The following CSMD1 variants were observed in gnomAD, a reference collection of about 807,000 sequenced individuals.
CSMD1 encodes CUB and sushi domain-containing protein 1.
A neutral mutation model predicts 417.5 loss-of-function variants in CSMD1; 213 were observed. The ratio of observed to expected loss-of-function variants is 0.51; its 90% CI spans 0.46 to 0.57. The LOEUF (loss-of-function observed/expected upper bound fraction) is 0.57, where lower values mean the gene tolerates loss of function less well. Among genes scored for constraint, CSMD1 ranks in the 20% least tolerant of loss-of-function variants. CSMD1 has a pLI of 0.00. For missense variants in CSMD1, 6,923 were observed against 4,529.7 expected, an observed-to-expected ratio of 1.53 and a Z score of -15.17; for synonymous variants, 2,862 against 1,736.8, an observed-to-expected ratio of 1.65 and a Z score of -16.11.
chr8:3,947,142 G>C (rs929883221), intron 5 of CSMD1, among the ~76,000 whole-genome samples: 4 of 152,162 alleles, frequency 2.6e-5, no homozygotes, highest in East Asian at 3.9e-4. Flanking sequence ...TCATCATTAA[G>C]TAAGAAATTA....
intron 1 of CSMD1, among the ~76,000 whole-genome samples, chr8:4,943,893 T>C (rs1380908445): frequency 1.3e-5 from 2 of 152,202 alleles, no homozygotes; most frequent in Non-Finnish European, 2.9e-5. Context: ...CGCTTAAAGG[T>C]ACGCAGAATT....
At chr8:3,434,823 T>G (rs1736876775) in intron 12 of CSMD1, among the ~76,000 whole-genome samples, 1 of 152,186 alleles carries the variant, frequency 6.6e-6, no homozygotes, top group South Asian at 2.1e-4. Flanking sequence ...TTTCTATGAG[T>G]CAGAGTGCTG....
intron 2 of CSMD1, among the ~76,000 whole-genome samples, chr8:4,607,751 C>T (rs371117431): frequency 6.6e-6 from 1 of 152,170 alleles, no homozygotes; most frequent in Non-Finnish European, 1.5e-5. Flanking sequence ...AGCCTCAAAC[C>T]GCTTGAGAGT....
intron 6 of CSMD1, among the ~76,000 whole-genome samples, chr8:3,735,507 C>T (rs997208462): frequency 6.6e-6 from 1 of 152,170 alleles, no homozygotes; most frequent in Non-Finnish European, 1.5e-5. Flanking sequence ...TGTGTATTAG[C>T]TACTGATTCT....
At chr8:4,141,975 A>G (rs575397688) in intron 3 of CSMD1, among the ~76,000 whole-genome samples, 3 of 151,192 alleles carry the variant, frequency 2.0e-5, no homozygotes, top group Non-Finnish European at 2.9e-5. Flanking sequence ...ATAAATTATG[A>G]CATTAAATTT....
At chr8:4,708,417 G>A (rs570898178) in intron 1 of CSMD1, among the ~76,000 whole-genome samples, 1 of 152,150 alleles carries the variant, frequency 6.6e-6, no homozygotes, top group African/African-American at 2.4e-5. Flanking sequence ...CTGGTAAAAA[G>A]TAAAACTGCT....
At chr8:3,933,430 CAT>C (rs1441515318) in intron 5 of CSMD1, among the ~76,000 whole-genome samples, 1 of 152,054 alleles carries the variant, frequency 6.6e-6, no homozygotes, top group Admixed American at 6.6e-5. Context: ...ACAGATAAAA[CAT>C]AGACTAAGCA....
intron 5 of CSMD1, among the ~76,000 whole-genome samples, chr8:3,967,506 C>G (rs1459182939): frequency 2.0e-5 from 3 of 151,450 alleles, no homozygotes; most frequent in Non-Finnish European, 4.4e-5. Context: ...GTGTTGCGGA[C>G]TTGGATGGAG....
At chr8:4,586,396 A>G (rs1799702071) in intron 2 of CSMD1, among the ~76,000 whole-genome samples, 1 of 152,202 alleles carries the variant, frequency 6.6e-6, no homozygotes, top group Non-Finnish European at 1.5e-5. Flanking sequence ...AAACTGTTAA[A>G]GTCACAGACC....
At chr8:3,274,207 G>C (rs1585885406) in intron 26 of CSMD1, among the ~76,000 whole-genome samples, 3 of 151,722 alleles carry the variant, frequency 2.0e-5, no homozygotes, top group South Asian at 4.2e-4. Flanking sequence ...TTCAGGAGCA[G>C]GTTGTTCAGT....
chr8:4,904,794 G>T (rs1486567927), intron 1 of CSMD1, among the ~76,000 whole-genome samples: 8 of 152,010 alleles, frequency 5.3e-5, no homozygotes, highest in African/African-American at 1.9e-4. Context: ...ATTTTGGACA[G>T]TTATAATAAC....
chr8:3,890,851 T>C (rs928520163), intron 5 of CSMD1, among the ~76,000 whole-genome samples: 3 of 152,214 alleles, frequency 2.0e-5, no homozygotes, highest in Non-Finnish European at 4.4e-5. Flanking sequence ...ACTCAGTAAG[T>C]ATATACAATG....
At chr8:4,802,233 T>C (rs576011654) in intron 1 of CSMD1, among the ~76,000 whole-genome samples, 2 of 152,280 alleles carry the variant, frequency 1.3e-5, no homozygotes, top group Admixed American at 1.3e-4. Flanking sequence ...CTTAAACTAG[T>C]AGTGTTTGCC....
intron 5 of CSMD1, among the ~76,000 whole-genome samples, chr8:3,908,931 G>T (rs981592994): frequency 1.3e-5 from 2 of 152,176 alleles, no homozygotes; most frequent in Admixed American, 6.5e-5. Context: ...CTTTGCAAGC[G>T]CTGGCAAACA....
intron 7 of CSMD1, 64 bp downstream of exon 7, chr8:3,708,350 G>A: frequency 2.9e-6 from 4 of 1,383,500 alleles, no homozygotes; most frequent in Non-Finnish European, 4.1e-6. Context: ...CTTCTTAACT[G>A]CTCCATTCTC....
intron 2 of CSMD1, among the ~76,000 whole-genome samples, chr8:4,565,786 ATATATATATATG>A (rs1798577734): frequency 7.8e-5 from 6 of 77,048 alleles, no homozygotes; most frequent in African/African-American, 1.6e-4. Context: ...ATATATATAT[ATATATATATATG>A]TATACATATA....
chr8:3,096,840 G>T lies in CSMD1; in HGVS notation c.7138+9C>A. 1 of 1,535,166 alleles carries T rather than the reference G, an allele frequency of 6.5e-7. No homozygotes were observed. Among genetic ancestry groups the T allele is most frequent in the South Asian group, 1.2e-5 (1 of 82,208 alleles). Reference sequence around the variant, plus strand: ...AGGTCACTGCTCTACAAAGATTAAAGAAACTTACCATCAAACACTTCCAGT... The same window carrying T: ...AGGTCACTGCTCTACAAAGATTAAATAAACTTACCATCAAACACTTCCAGT... On this transcript the variant is annotated intron_variant, in intron 47 of 69. Transcript: ENST00000635120.
intron 2 of CSMD1, among the ~76,000 whole-genome samples, chr8:4,591,646 G>A (rs1799988481): frequency 1.3e-5 from 2 of 152,168 alleles, no homozygotes; most frequent in Admixed American, 6.5e-5. Context: ...GCAGGAGAGG[G>A]CATAAGTATG....
chr8:4,736,432 T>C (rs1810238106), intron 1 of CSMD1, among the ~76,000 whole-genome samples: 1 of 151,996 alleles, frequency 6.6e-6, no homozygotes, highest in Non-Finnish European at 1.5e-5. Flanking sequence ...TGAATTTGCA[T>C]GAACAGAGAG....
Sources: allele counts gnomAD v4.1 joint callset (sites outside exome capture counted in the v4.1 genomes callset), GRCh38; gene constraint gnomAD v4.1.1; transcripts MANE v1.5; gene names NCBI Gene and HGNC (gene_info 2026-07-23, HGNC 2026-07-21).